Variants in TTLL4 observed in about 807,000 individuals in gnomAD.
TTLL4 encodes tubulin tyrosine ligase like 4.
TTLL4 carries 85 observed loss-of-function variants against 122.7 expected under a neutral mutation model. The observed-to-expected ratio is 0.69, with a 90% CI of 0.58 to 0.83. The LOEUF (loss-of-function observed/expected upper bound fraction) is 0.83, where lower values mean the gene tolerates loss of function less well. Ranked by LOEUF, TTLL4 falls within the 40% of genes least tolerant of loss-of-function variation. TTLL4 has a pLI of 0.00. For missense variants in TTLL4, 1,363 were observed against 1,488.6 expected (o/e 0.92, Z 1.39); for synonymous variants, 553 against 563.0 (o/e 0.98, Z 0.25).
At chr2:218,752,229 C>T (rs1454808285) in intron 16 of TTLL4, among the ~76,000 whole-genome samples, 1 of 152,190 alleles carries the variant, frequency 6.6e-6, no homozygotes, top group East Asian at 1.9e-4. Flanking sequence ...TTCTTAAGAG[C>T]ACGGTTTCTT....
chr2:218,736,035 T>C (rs1942512993), intron 2 of TTLL4, among the ~76,000 whole-genome samples: 2 of 139,430 alleles, frequency 1.4e-5, no homozygotes, highest in African/African-American at 2.8e-5. Context: ...AGAGCAGTGG[T>C]GCTATCTTGG....
chr2:218,737,000 C>T (rs913137498), intron 2 of TTLL4, among the ~76,000 whole-genome samples: 3 of 152,134 alleles, frequency 2.0e-5, no homozygotes, highest in African/African-American at 7.2e-5. Context: ...CAGGTGCACG[C>T]CACAATGCCT....
intron 1 of TTLL4, among the ~76,000 whole-genome samples, chr2:218,724,393 C>T (rs1251318659): frequency 6.6e-6 from 1 of 152,164 alleles, no homozygotes; most frequent in Admixed American, 6.5e-5. Flanking sequence ...AATGGACTTA[C>T]TTCTTGCTCC....
In TTLL4 at chr2:218,750,028, C is replaced by A; in HGVS notation, c.2755C>A (p.Leu919Met). 6.2e-7 allele frequency: 1 copy of A among 1,614,114 alleles called. No homozygotes were observed. The highest frequency in any genetic ancestry group is 8.5e-7 in the Non-Finnish European group (1 of 1,179,992). Residue 919 changes from leucine (L) to methionine (M), a missense_variant, in exon 15 of 20, where the codon CTG becomes ATG. Around this residue, in one of 3 missense-constraint regions of TTLL4, gnomAD observed 596 missense variants for 655.8 expected, o/e 0.91. Transcript: ENST00000392102. Reference protein sequence around the residue: ...ISPSLHSSSPLDISIKGQMIR... With the variant: ...ISPSLHSSSPMDISIKGQMIR... ...CTGAAGCCTCCACTCCAGCTCTCCACTGGATATCAGCATCAAAGGCCAGAT... is the reference window on the plus strand; with the variant it reads ...CTGAAGCCTCCACTCCAGCTCTCCAATGGATATCAGCATCAAAGGCCAGAT...
rs1943115130 is a variant in TTLL4, at chr2:218,754,628, T to C, written c.*239T>C. ...ACCTGTCTGCCTGGCTGGCACCTCA[T>C]ATCTCAGCAGAGAAGCCAGTGGTGG... On this transcript the variant is annotated 3_prime_UTR_variant, in exon 20 of 20. Coordinates refer to ENST00000392102, the MANE Select transcript of TTLL4 (RefSeq NM_014640.5). 1.0e-5 allele frequency: 6 copies of C among 601,890 alleles called. No homozygotes were observed. Among genetic ancestry groups the C allele is most frequent in the African/African-American group, 1.8e-5 (1 of 54,148 alleles). 37.3% of individuals were successfully genotyped at this position (601,890 alleles called of 1,614,324 possible).
At position 218,742,100 on chromosome 2, in the gene TTLL4, A is replaced by G. The variant is rs531654072; in HGVS notation, c.1661+1516A>G. On this transcript the variant is annotated intron_variant, in intron 5 of 19. Transcript: ENST00000392102. ...CTCAGCCTCCTGAGCAGCTGGGACT[A>G]CAGGACCACCCACCACACCCAGCTA... Among the ~76,000 whole-genome samples, 5 of 152,294 alleles carry G rather than the reference A, an allele frequency of 3.3e-5. No homozygotes were observed. In the East Asian group the frequency reaches 5.8e-4, roughly 18 times the overall value.
intron 15 of TTLL4, among the ~76,000 whole-genome samples, chr2:218,750,405 C>A (rs1243756915): frequency 1.3e-5 from 2 of 152,154 alleles, no homozygotes; most frequent in East Asian, 3.8e-4. Flanking sequence ...TGTCTCTAGT[C>A]CCAGCTACTT....
chr2:218,715,796 AT>A (rs1248532544), intron 1 of TTLL4, among the ~76,000 whole-genome samples: 2 of 151,908 alleles, frequency 1.3e-5, no homozygotes, highest in East Asian at 1.9e-4. Flanking sequence ...CGCCTGGCTA[AT>A]TTTTTTGTAT....
At chr2:218,719,126 C>T (rs1440075328) in intron 1 of TTLL4, among the ~76,000 whole-genome samples, 1 of 151,994 alleles carries the variant, frequency 6.6e-6, no homozygotes, top group Non-Finnish European at 1.5e-5. Flanking sequence ...AACTTTTGTT[C>T]TAGGAAGACT....
intron 2 of TTLL4, among the ~76,000 whole-genome samples, chr2:218,734,058 G>A (rs1034582851): frequency 1.3e-5 from 2 of 152,096 alleles, no homozygotes; most frequent in Non-Finnish European, 2.9e-5. Flanking sequence ...TGGAGGGGAT[G>A]GAGTCTAAAT....
intron 1 of TTLL4, among the ~76,000 whole-genome samples, chr2:218,723,804 T>C (rs1942110844): frequency 6.6e-6 from 1 of 152,108 alleles, no homozygotes; most frequent in Non-Finnish European, 1.5e-5. Context: ...AAATAAAGGC[T>C]GAGGAACTAT....
At chr2:218,732,029 TATC>T (rs1273445394) in intron 2 of TTLL4, among the ~76,000 whole-genome samples, 1 of 152,330 alleles carries the variant, frequency 6.6e-6, no homozygotes, top group Non-Finnish European at 1.5e-5. Flanking sequence ...TTATTCAAAA[TATC>T]ATTTTTCAGG....
At chr2:218,722,356 CTT>C (rs11380889) in intron 1 of TTLL4, among the ~76,000 whole-genome samples, 2 of 146,996 alleles carry the variant, frequency 1.4e-5, no homozygotes, top group Non-Finnish European at 1.5e-5. Context: ...CTTTGTTCAT[CTT>C]TTTTTTTTTT....
rs1029244110 is a variant in TTLL4, at chr2:218,755,130, C to G, written c.*741C>G. 1 of 152,224 alleles carries G rather than the reference C, an allele frequency of 6.6e-6. No homozygotes were observed. The highest frequency in any genetic ancestry group is 2.4e-5 in the African/African-American group (1 of 41,414). The allele number at this position is 152,224 out of a possible 1,614,324, so 9.4% of individuals were successfully genotyped here. A position where few individuals can be genotyped will look rare whatever the true frequency, so the allele number is the denominator to read the frequency against. Reference sequence around the variant, plus strand: ...TGAACTTTGTGAATTTCCCATGGCCCCAGTGAAGGAGCCCAGATAATCCCA... The same window carrying G: ...TGAACTTTGTGAATTTCCCATGGCCGCAGTGAAGGAGCCCAGATAATCCCA... On this transcript the variant is annotated 3_prime_UTR_variant, in exon 20 of 20. Coordinates refer to ENST00000392102, the MANE Select transcript of TTLL4 (RefSeq NM_014640.5).
At chr2:218,757,823 G>T (rs1008914977), downstream of TTLL4, among the ~76,000 whole-genome samples, 4 of 152,140 alleles carry the variant, frequency 2.6e-5, no homozygotes, top group African/African-American at 9.7e-5. Context: ...CAAGATAGGT[G>T]ACCAACAAAG....
intron 1 of TTLL4, among the ~76,000 whole-genome samples, chr2:218,721,654 C>G (rs1438180771): frequency 1.3e-5 from 2 of 152,026 alleles, no homozygotes; most frequent in Admixed American, 6.6e-5. Context: ...AGTTTTTTCC[C>G]CCTTAGCTGG....
intron 1 of TTLL4, among the ~76,000 whole-genome samples, chr2:218,719,785 T>C (rs1338614446): frequency 6.6e-6 from 1 of 152,224 alleles, no homozygotes; most frequent in Non-Finnish European, 1.5e-5. Flanking sequence ...TAAGTGCTCA[T>C]GGACCGTTTT....
chr2:218,745,339 GT>G (rs1342105832), intron 6 of TTLL4, 106 bp downstream of exon 6: 1 of 1,452,338 alleles, frequency 6.9e-7, no homozygotes, highest in Non-Finnish European at 9.5e-7. Flanking sequence ...CAGAATGGCT[GT>G]TGTGGCAGTT....
intron 2 of TTLL4, among the ~76,000 whole-genome samples, chr2:218,730,350 GAAAA>G (rs1469115568): frequency 1.5e-5 from 1 of 67,782 alleles, no homozygotes; most frequent in African/African-American, 4.6e-5. Context: ...AAAAAAAAAA[GAAAA>G]AAAATTAGCT....
Sources: gnomAD v4.1 joint callset for allele counts (sites outside exome capture counted in the v4.1 genomes callset) on GRCh38, gnomAD v4.1.1 for gene constraint, gnomAD v4.1.1 regional missense constraint, MANE v1.5 for transcripts, NCBI Gene and HGNC (gene_info 2026-07-23, HGNC 2026-07-21) for gene names.